SPG7: variants seen among roughly 807,000 people sequenced by gnomAD.
The protein encoded by SPG7 is SPG7 matrix AAA peptidase subunit, paraplegin.
Under a neutral mutation model 81.9 loss-of-function variants are expected in SPG7, and 103 were observed. The observed-to-expected ratio is 1.26, with a 90% confidence interval of 1.07 to 1.48. SPG7 has a LOEUF of 1.48. SPG7 is among the 40% of genes most tolerant of loss of function. The probability of loss-of-function intolerance (pLI) is 0.00; values close to 1 mark genes in which losing one functional copy is unlikely to be tolerated. For synonymous variants in SPG7, 534 were observed against 444.2 expected (o/e 1.20, Z -2.54); for missense variants, 1,241 against 1,087.3 (o/e 1.14, Z -1.99).
rs780550083 is a variant in SPG7, at chr16:89,556,895, C to T, written c.2190C>T (p.Asn730=). The T allele has an allele frequency of 2.2e-5, 35 of 1,613,414 alleles. No homozygotes were observed. Among genetic ancestry groups the T allele is most frequent in the African/African-American group, 8.0e-5 (6 of 74,892 alleles). The change falls in exon 17 of 17, where the codon AAC becomes AAT. Residue 730 remains asparagine (N), a synonymous_variant. Transcript: ENST00000645818. The part of the protein sequence containing the change: ...DNLDKLQALA[N]ALLEKEVINY... ...ATGCCTGTTCTTTCTAGCTGGCAAA[C>T]GCCCTTCTGGAAAAGGAAGTGATAA...
chr16:89,526,118 A>G (rs561870788), intron 4 of SPG7, among the ~76,000 whole-genome samples: 1 of 152,296 alleles, frequency 6.6e-6, no homozygotes, highest in Admixed American at 6.5e-5. Context: ...CAAGGAGCTT[A>G]GTGTGCATAT....
chr16:89,546,625 G>A, intron 10 of SPG7, 33 bp from the exon 11 acceptor site: 1 of 1,488,946 alleles, frequency 6.7e-7, no homozygotes, highest in Non-Finnish European at 9.4e-7. Flanking sequence ...CTAGGCTTGA[G>A]CCCGACTGTC....
chr16:89,523,547 A>G, intron 3 of SPG7: 1 of 366,248 alleles, frequency 2.7e-6, no homozygotes. Flanking sequence ...GCAGCAGGAG[A>G]GCTGACTGCA....
At chr16:89,541,072 C>A (rs766992173) in intron 9 of SPG7, 1 of 984,716 alleles carries the variant, frequency 1.0e-6, no homozygotes, top group Non-Finnish European at 1.2e-6. Context: ...AGAGCTGAAA[C>A]TGGTGTATCC....
intron 11 of SPG7, 142 bp downstream of exon 11, chr16:89,546,902 G>C: frequency 1.4e-6 from 1 of 690,066 alleles, no homozygotes; most frequent in Non-Finnish European, 2.7e-6. Context: ...GCCTGGGAGG[G>C]AGCTGATGTG....
chr16:89,538,289 G>A (rs1266220498), intron 9 of SPG7: 1 of 152,048 alleles, frequency 6.6e-6, no homozygotes. Flanking sequence ...ACATAGCCAG[G>A]GCATCCACTG....
chr16:89,516,277 C>A (rs898113610), intron 3 of SPG7, among the ~76,000 whole-genome samples: 3 of 151,868 alleles, frequency 2.0e-5, no homozygotes, highest in Admixed American at 1.3e-4. Context: ...TGTGAGCCAC[C>A]ACGCCCGGCC....
At position 89,529,723 on chromosome 16, in the gene SPG7, C is replaced by T. The variant is rs962899136; in HGVS notation, c.861+144C>T. 11 of 718,618 alleles carry T rather than the reference C, an allele frequency of 1.5e-5. 1 individual carries two copies. The Middle Eastern group carries it at 9.7e-4, about 64-fold the overall frequency. 44.5% of individuals were successfully genotyped at this position (718,618 alleles called of 1,614,324 possible). A position where few individuals can be genotyped will look rare whatever the true frequency, so the allele number is the denominator to read the frequency against. On this transcript the variant is annotated intron_variant, in intron 6 of 16. Transcript: ENST00000645818. ...CCACAATTAGACAGCAGCTCACCTT[C>T]CTTTCCCATGGTCCGGCTGTAAGGC... is the stretch of plus-strand genomic sequence containing the variant.
rs748770498 is a variant in SPG7, at chr16:89,556,978, T to C, written c.2273T>C (p.Ile758Thr). ...GPPPHGPKKM[I>T]APQRWIDAQR... ...CCGCCCCATGGGCCGAAGAAAATGA[T>C]CGCACCGCAGAGGTGGATCGACGCC... The change falls in exon 17 of 17, where the codon ATC (isoleucine) becomes ACC (threonine). Residue 758 changes from isoleucine (I) to threonine (T), a missense_variant. By Grantham distance (89) the Ile-to-Thr change is moderately conservative (BLOSUM62 -1). Coordinates refer to ENST00000645818, the MANE Select transcript of SPG7 (RefSeq NM_003119.4). The C allele has an allele frequency of 1.2e-6, 2 of 1,614,002 alleles. No individual in the cohort carries two copies. The highest frequency in any genetic ancestry group is 8.5e-7 in the Non-Finnish European group (1 of 1,180,018).
chr16:89,508,645 C>T lies in SPG7; in HGVS notation c.183+45C>T, dbSNP rs575311054. The T allele has an allele frequency of 3.5e-6, 5 of 1,430,150 alleles. No homozygotes were observed. The East Asian group carries it at 1.3e-4, about 37-fold the overall frequency. The allele number at this position is 1,430,150 out of a possible 1,614,324, so 88.6% of individuals were successfully genotyped here. A position where few individuals can be genotyped will look rare whatever the true frequency, so the allele number is the denominator to read the frequency against. On this transcript the variant is annotated intron_variant, in intron 1 of 16. Coordinates refer to ENST00000645818, the MANE Select transcript of SPG7 (RefSeq NM_003119.4). ...GGGCCCCACCTCCCGCCCGGCTCTG[C>T]TCTGTAAGGCCCAGCCCGGCGGGGC...
Position 89,530,245 on chromosome 16 carries a change from A to G in SPG7, c.862-438A>G, listed in dbSNP as rs112443631. On this transcript the variant is annotated intron_variant, in intron 6 of 16. Coordinates refer to ENST00000645818, the MANE Select transcript of SPG7 (RefSeq NM_003119.4). ...CTGCAACCTCTGCCTCCTGGGTTCAAGCGATTCTCCTGCTTCAGCCTTCCA... is the reference window on the plus strand; with the variant it reads ...CTGCAACCTCTGCCTCCTGGGTTCAGGCGATTCTCCTGCTTCAGCCTTCCA... 2,271 of 325,992 alleles carry G rather than the reference A, an allele frequency of 7.0e-3. 52 individuals carry two copies. Among genetic ancestry groups the G allele is most frequent in the African/African-American group, 0.043 (1,996 of 46,174 alleles). 20.2% of individuals were successfully genotyped at this position (325,992 alleles called of 1,614,324 possible).
In SPG7 at chr16:89,510,562, C is replaced by A. The variant is rs2058005458; in HGVS notation, c.256C>A (p.Gln86Lys). 6.2e-7 allele frequency: 1 copy of A among 1,606,242 alleles called. No individual in the cohort carries two copies. The highest frequency in any genetic ancestry group is 1.1e-5 in the South Asian group (1 of 90,914). Residue 86 changes from glutamine to lysine, a missense_variant, in exon 2 of 17, where the codon CAG (glutamine) becomes AAG (lysine). Coordinates refer to ENST00000645818, the MANE Select transcript of SPG7 (RefSeq NM_003119.4). ...NGLLLKQHLV[Q>K]NPVRLWQLLG... ...ATTGTTGTTGAAACAACATTTAGTTCAGAATCCAGTCAGACTCTGGCAACT... is the reference window on the plus strand; with the variant it reads ...ATTGTTGTTGAAACAACATTTAGTTAAGAATCCAGTCAGACTCTGGCAACT...
At position 89,509,911 on chromosome 16, in the gene SPG7, C is replaced by T. The variant is rs945388277; in HGVS notation, c.184-579C>T. 9.9e-5 allele frequency among the ~76,000 whole-genome samples: 15 copies of T among 151,812 alleles called. No individual in the cohort carries two copies. In the South Asian group the frequency reaches 1.3e-3, roughly 13 times the overall value. On this transcript the variant is annotated intron_variant, in intron 1 of 16. Coordinates refer to ENST00000645818, the MANE Select transcript of SPG7 (RefSeq NM_003119.4). Reference sequence around the variant, plus strand: ...CCAAGCAATCCTCCCACCTCAGCCTCCCAAAGTGCTGGGATTACAGACATG... The same window carrying T: ...CCAAGCAATCCTCCCACCTCAGCCTTCCAAAGTGCTGGGATTACAGACATG...
In SPG7 at chr16:89,530,772, C is replaced by A. The variant is rs2058331162; in HGVS notation, c.951C>A (p.Ala317=). 4.3e-6 allele frequency: 7 copies of A among 1,614,140 alleles called. No homozygotes were observed. The highest frequency in any genetic ancestry group is 5.9e-6 in the Non-Finnish European group (7 of 1,180,028). ...SFKDVAGMHE[A]KLEVREFVDY... is the part of the protein sequence containing the mutation. Reference sequence around the variant, plus strand: ...AAGACGTGGCAGGAATGCACGAAGCCAAACTGGAAGTCCGCGAGTTTGTGG... The same window carrying A: ...AAGACGTGGCAGGAATGCACGAAGCAAAACTGGAAGTCCGCGAGTTTGTGG... Residue 317 remains alanine, a synonymous_variant, in exon 7 of 17, where the codon GCC becomes GCA. Transcript: ENST00000645818.
chr16:89,536,286 T>G (rs76805368), intron 9 of SPG7, among the ~76,000 whole-genome samples: 557 of 45,624 alleles, frequency 0.012, 1 homozygote, highest in East Asian at 0.074. Flanking sequence ...CAGTGTGGCC[T>G]CTCTGGTGCT....
chr16:89,548,034 T>A lies in SPG7; in HGVS notation c.1584T>A (p.Ala528=). ...GADIANICNE[A]ALHAAREGHT... ...ACATCGCCAACATCTGCAATGAGGC[T>A]GCGCTGCACGCGGCGCGGGAGGGAC... is the stretch of plus-strand genomic sequence containing the variant. Residue 528 remains alanine (A), a synonymous_variant, in exon 12 of 17, where the codon GCT becomes GCA. Transcript: ENST00000645818. 1 of 1,612,648 alleles carries A rather than the reference T, an allele frequency of 6.2e-7. No individual in the cohort carries two copies. The highest frequency in any genetic ancestry group is 8.5e-7 in the Non-Finnish European group (1 of 1,179,898).
At chr16:89,512,625 T>TA (rs1430486449) in intron 2 of SPG7, among the ~76,000 whole-genome samples, 1 of 152,236 alleles carries the variant, frequency 6.6e-6, no homozygotes, top group Non-Finnish European at 1.5e-5. Flanking sequence ...TAAGTTCTTT[T>TA]AAAGCAACTT....
In SPG7 at chr16:89,544,678, T is replaced by C; in HGVS notation, c.1355T>C (p.Leu452Pro). 1 of 1,614,134 alleles carries C rather than the reference T, an allele frequency of 6.2e-7. No individual in the cohort carries two copies. The highest frequency in any genetic ancestry group is 8.5e-7 in the Non-Finnish European group (1 of 1,179,988). Residue 452 changes from leucine to proline, a missense_variant, in exon 10 of 17, where the codon CTG (leucine) becomes CCG (proline). Transcript: ENST00000645818. ...GMGTTDHVIVLASTNRADILD... is the reference protein window; with the variant it reads ...GMGTTDHVIVPASTNRADILD... The stretch of plus-strand genomic sequence containing the variant: ...GGTACCACAGACCATGTCATCGTCC[T>C]GGCGTCCACGAACCGAGCTGACATT...
rs948413006 is a variant in SPG7 at position 89,554,494 on chromosome 16, A to G, written c.2112A>G (p.Arg704=). The G allele has an allele frequency of 6.2e-7, 1 of 1,608,542 alleles. No individual in the cohort carries two copies. The highest frequency in any genetic ancestry group is 8.5e-7 in the Non-Finnish European group (1 of 1,179,328). The change falls in exon 16 of 17, where the codon AGA becomes AGG. Residue 704 remains arginine, a synonymous_variant. Coordinates refer to ENST00000645818, the MANE Select transcript of SPG7 (RefSeq NM_003119.4). ...GLQQMMDHEA[R]LLVAKAYRHT... ...GTTCCCTCCACTCACAGGAAGCAAGACTGCTGGTGGCCAAGGCCTACAGAC... is the reference window on the plus strand; with the variant it reads ...GTTCCCTCCACTCACAGGAAGCAAGGCTGCTGGTGGCCAAGGCCTACAGAC...
Sources: allele counts gnomAD v4.1 joint callset (sites outside exome capture counted in the v4.1 genomes callset), GRCh38; gene constraint gnomAD v4.1.1; transcripts MANE v1.5; gene names NCBI Gene and HGNC (gene_info 2026-07-23, HGNC 2026-07-21).